Variants in ME1 observed in about 807,000 individuals in gnomAD.
ME1 encodes malic enzyme 1.
ME1 carries 74 observed loss-of-function variants against 66.4 expected under a neutral mutation model. The observed-to-expected ratio is 1.11, with a 90% CI of 0.92 to 1.35. ME1 has a LOEUF of 1.35. ME1 is among the 40% of genes most tolerant of loss of function. The pLI is 0.00. For missense variants in ME1, 750 were observed against 694.1 expected, an observed-to-expected ratio of 1.08 and a Z score of -0.90; for synonymous variants, 251 against 235.6, an observed-to-expected ratio of 1.07 and a Z score of -0.60.
Position 83,301,960 on chromosome 6 carries a change from G to C in ME1, c.704+13350C>G, listed in dbSNP as rs888374973. ...CCCATTACTGTGTATGTACCCAAAA[G>C]AATATAAATCAATGTACCATAAAGA... On this transcript the variant is annotated intron_variant, in intron 6 of 13. Coordinates refer to ENST00000369705, the MANE Select transcript of ME1 (RefSeq NM_002395.6). Among the ~76,000 whole-genome samples, 3 of 152,002 alleles carry C rather than the reference G, an allele frequency of 2.0e-5. No individual in the cohort carries two copies. In the South Asian group the frequency reaches 6.2e-4, roughly 32 times the overall value.
chr6:83,292,453 G>A lies in ME1; in HGVS notation c.704+22857C>T, dbSNP rs148525210. Reference sequence around the variant, plus strand: ...TGCCTAGGTATCACCAGTGGAGGCTGCAGAACAGCAAATATTGCTGCCTGA... The same window carrying A: ...TGCCTAGGTATCACCAGTGGAGGCTACAGAACAGCAAATATTGCTGCCTGA... On this transcript the variant is annotated intron_variant, in intron 6 of 13. Transcript: ENST00000369705. 8.7e-4 allele frequency among the ~76,000 whole-genome samples: 133 copies of A among 152,314 alleles called. 2 individuals carry two copies. The East Asian group carries it at 0.021, about 24-fold the overall frequency.
At chr6:83,257,013 G>A (rs1287209831) in intron 6 of ME1, among the ~76,000 whole-genome samples, 2 of 151,936 alleles carry the variant, frequency 1.3e-5, no homozygotes, top group African/African-American at 2.4e-5. Context: ...GACACAGGGA[G>A]GGGAACATCA....
At chr6:83,344,289 CAAAA>C (rs11402376) in intron 5 of ME1, among the ~76,000 whole-genome samples, 1 of 106,014 alleles carries the variant, frequency 9.4e-6, no homozygotes, top group Admixed American at 8.9e-5. Flanking sequence ...CTATCTCTTA[CAAAA>C]AAAAAAAAAA....
At chr6:83,232,060 G>A (rs764697190) in intron 9 of ME1, among the ~76,000 whole-genome samples, 9 of 151,968 alleles carry the variant, frequency 5.9e-5, no homozygotes, top group Non-Finnish European at 1.2e-4. Flanking sequence ...CCAAGATTTT[G>A]GGCTATTATT....
chr6:83,274,207 C>G (rs1308120214), intron 6 of ME1, among the ~76,000 whole-genome samples: 1 of 151,746 alleles, frequency 6.6e-6, no homozygotes, highest in Admixed American at 6.6e-5. Context: ...GTGTTCATGC[C>G]CATGGTTAAA....
intron 5 of ME1, among the ~76,000 whole-genome samples, chr6:83,331,269 C>T (rs1285705720): frequency 6.6e-6 from 1 of 151,982 alleles, no homozygotes; most frequent in Non-Finnish European, 1.5e-5. Context: ...AGAGTGGGCC[C>T]TAATCCAATA....
At chr6:83,373,097 A>G (rs188656831) in intron 3 of ME1, among the ~76,000 whole-genome samples, 42 of 152,376 alleles carry the variant, frequency 2.8e-4, no homozygotes, top group Admixed American at 1.9e-3. Flanking sequence ...ATTAGATAAC[A>G]CTTTATTAAA....
rs1790421286 is a variant in ME1, at chr6:83,237,267, G to GAAAGAAAA, written c.1026+449_1026+450insTTTTCTTT. On this transcript the variant is annotated intron_variant, in intron 9 of 13. Coordinates refer to ENST00000369705, the MANE Select transcript of ME1 (RefSeq NM_002395.6). ...AGAAAGAAAGAAAGAAAGAAAGAAA[G>GAAAGAAAA]AAAGAAAGAAAGGAAGGAAGGAAGG... 3.6e-5 allele frequency among the ~76,000 whole-genome samples: 3 copies of GAAAGAAAA among 84,368 alleles called. 1 individual carries two copies. Among genetic ancestry groups the GAAAGAAAA allele is most frequent in the Admixed American group, 2.8e-4 (2 of 7,068 alleles). 55.3% of individuals were successfully genotyped at this position (84,368 alleles called of 152,430 possible).
intron 1 of ME1, among the ~76,000 whole-genome samples, chr6:83,417,933 T>C (rs1770193661): frequency 6.6e-6 from 1 of 152,230 alleles, no homozygotes. Context: ...TTTAAAATCA[T>C]TGATTTAAGG....
Position 83,403,104 on chromosome 6 carries a change from C to T in ME1, c.213-4588G>A, listed in dbSNP as rs148255652. Among the ~76,000 whole-genome samples the T allele has an allele frequency of 7.3e-3, 1,115 of 152,204 alleles. 11 individuals carry two copies. The highest frequency in any genetic ancestry group is 0.025 in the African/African-American group (1,041 of 41,508). ...TAGTGTTTAAGTTAAGGAATATCGA[C>T]GAGAGTAAACATCACCCAAGGATTT... On this transcript the variant is annotated intron_variant, in intron 2 of 13. Transcript: ENST00000369705.
chr6:83,420,131 G>A (rs990241069), intron 1 of ME1, among the ~76,000 whole-genome samples: 116 of 152,064 alleles, frequency 7.6e-4, no homozygotes, highest in African/African-American at 2.7e-3. Context: ...GCAGTGGTGC[G>A]ATCTTGGTTC....
chr6:83,413,649 T>C (rs191304131), intron 1 of ME1, among the ~76,000 whole-genome samples: 72 of 150,690 alleles, frequency 4.8e-4, no homozygotes, highest in African/African-American at 1.6e-3. Flanking sequence ...TTTCAATTTA[T>C]TAACATAGTT....
At chr6:83,271,274 G>A (rs1298475065) in intron 6 of ME1, among the ~76,000 whole-genome samples, 1 of 152,112 alleles carries the variant, frequency 6.6e-6, no homozygotes, top group South Asian at 2.1e-4. Context: ...TAAGTTAAAT[G>A]ACAATTTACA....
At chr6:83,361,625 T>A (rs1769008549) in intron 3 of ME1, among the ~76,000 whole-genome samples, 1 of 152,230 alleles carries the variant, frequency 6.6e-6, no homozygotes. Context: ...CTCTAGGGTT[T>A]TAGGGCAAGG....
intron 6 of ME1, among the ~76,000 whole-genome samples, chr6:83,279,389 G>C (rs1449216393): frequency 6.6e-6 from 1 of 152,110 alleles, no homozygotes; most frequent in East Asian, 1.9e-4. Flanking sequence ...AAACAGACTG[G>C]GAATTTGAAA....
At position 83,331,518 on chromosome 6, in the gene ME1, G is replaced by A. The variant is rs756144001; in HGVS notation, c.600+14655C>T. On this transcript the variant is annotated intron_variant, in intron 5 of 13. Transcript: ENST00000369705. The stretch of plus-strand genomic sequence containing the variant: ...AGAGAATTGCTTGAACCCGGGAGGC[G>A]GAGGTTGCAGTGAGCTGAGATCATG... 5.7e-4 allele frequency among the ~76,000 whole-genome samples: 86 copies of A among 151,546 alleles called. 1 individual carries two copies. The highest frequency in any genetic ancestry group is 1.9e-3 in the South Asian group (9 of 4,792).
intron 3 of ME1, among the ~76,000 whole-genome samples, chr6:83,381,740 A>G (rs1437628631): frequency 6.6e-6 from 1 of 152,106 alleles, no homozygotes; most frequent in Non-Finnish European, 1.5e-5. Context: ...AAGAATTGGA[A>G]AGGGATCCAA....
At chr6:83,421,073 C>A (rs534891427) in intron 1 of ME1, among the ~76,000 whole-genome samples, 1 of 152,054 alleles carries the variant, frequency 6.6e-6, no homozygotes, top group Non-Finnish European at 1.5e-5. Flanking sequence ...TTCTGAACGT[C>A]GAACTTGCTC....
intron 6 of ME1, among the ~76,000 whole-genome samples, chr6:83,273,591 T>C (rs1767124360): frequency 6.6e-6 from 1 of 152,186 alleles, no homozygotes; most frequent in African/African-American, 2.4e-5. Flanking sequence ...TATGATGAAG[T>C]ATTTTCTACA....
Sources: allele counts gnomAD v4.1 joint callset (sites outside exome capture counted in the v4.1 genomes callset), GRCh38; gene constraint gnomAD v4.1.1; transcripts MANE v1.5; gene names NCBI Gene and HGNC (gene_info 2026-07-23, HGNC 2026-07-21).